The following SMARCA2 variants were observed in gnomAD, a reference collection of about 807,000 sequenced individuals.
SMARCA2 encodes SWI/SNF-related matrix-associated actin-dependent regulator of chromatin subfamily A member 2.
SMARCA2 carries 61 observed loss-of-function variants against 199.8 expected under a neutral mutation model. The ratio of observed to expected loss-of-function variants is 0.31; its 90% CI spans 0.25 to 0.38. The LOEUF (loss-of-function observed/expected upper bound fraction) is 0.38, where lower values mean the gene tolerates loss of function less well. SMARCA2 is among the 10% of genes least tolerant of loss of function. The pLI is 1.00. For synonymous variants in SMARCA2, 935 were observed against 732.0 expected, an observed-to-expected ratio of 1.28 and a Z score of -4.48; for missense variants, 1,344 against 2,012.2, an observed-to-expected ratio of 0.67 and a Z score of 6.35.
chr9:2,172,840 A>G (rs1357814887), intron 29 of SMARCA2, among the ~76,000 whole-genome samples: 1 of 152,166 alleles, frequency 6.6e-6, no homozygotes, highest in East Asian at 1.9e-4. Flanking sequence ...TGCAGTGGAA[A>G]GTAGATAGCC....
chr9:2,040,069 C>A, intron 4 of SMARCA2, 169 bp downstream of exon 4: 1 of 1,311,050 alleles, frequency 7.6e-7, no homozygotes. Flanking sequence ...CTTGGTCTTC[C>A]CCTGCTGTTG....
At chr9:2,096,529 C>A in intron 19 of SMARCA2, 128 bp from the exon 20 acceptor site, 1 of 648,070 alleles carries the variant, frequency 1.5e-6, no homozygotes, top group Non-Finnish European at 2.8e-6. Context: ...ACCCCGCACT[C>A]CGTGAATCCA....
At chr9:2,058,139 C>T (rs1820435881) in intron 7 of SMARCA2, 152 bp from the exon 8 acceptor site, 1 of 677,610 alleles carries the variant, frequency 1.5e-6, no homozygotes. Flanking sequence ...ACCTTAACTG[C>T]AGAGACACCA....
intron 27 of SMARCA2, among the ~76,000 whole-genome samples, chr9:2,131,713 G>T (rs1173816790): frequency 6.6e-6 from 1 of 152,136 alleles, no homozygotes; most frequent in African/African-American, 2.4e-5. Context: ...GGGTGCGGTG[G>T]CTCACGCCTG....
intron 27 of SMARCA2, chr9:2,159,346 G>GT (rs1825546269): frequency 4.1e-6 from 1 of 242,746 alleles, no homozygotes; most frequent in Non-Finnish European, 7.9e-6. Context: ...TAAAATATTT[G>GT]AATCTTAGAA....
chr9:2,072,818 G>C (rs1489968490), intron 10 of SMARCA2, among the ~76,000 whole-genome samples: 1 of 152,248 alleles, frequency 6.6e-6, no homozygotes, highest in Non-Finnish European at 1.5e-5. Flanking sequence ...AACTGGTCTA[G>C]TGAGGACAGG....
chr9:2,130,361 G>A lies in SMARCA2; in HGVS notation c.3981+6424G>A, dbSNP rs1015104535. 6.6e-5 allele frequency among the ~76,000 whole-genome samples: 10 copies of A among 152,126 alleles called. No homozygotes were observed. In the South Asian group the frequency reaches 2.1e-3, roughly 32 times the overall value. ...CCCGGTCCTCGGCCTTGTCGTGGCC[G>A]AGTGGTTAAGGCGATAGATGAGAAT... On this transcript the variant is annotated intron_variant, in intron 27 of 33. Coordinates refer to ENST00000349721, the MANE Select transcript of SMARCA2 (RefSeq NM_003070.5).
At position 2,182,258 on chromosome 9, in the gene SMARCA2, T is replaced by G; in HGVS notation, c.4461+16T>G. The G allele has an allele frequency of 6.5e-7, 1 of 1,531,540 alleles. No individual in the cohort carries two copies. The highest frequency in any genetic ancestry group is 9.0e-7 in the Non-Finnish European group (1 of 1,110,026). The allele number at this position is 1,531,540 out of a possible 1,614,324, so 94.9% of individuals were successfully genotyped here. ...GGGATCCCAGGTCTGTCTTGTTAAG[T>G]TGTCTAAAAGTTCTTAACTGTAAAT... On this transcript the variant is annotated intron_variant, in intron 31 of 33. Coordinates refer to ENST00000349721, the MANE Select transcript of SMARCA2 (RefSeq NM_003070.5).
intron 3 of SMARCA2, among the ~76,000 whole-genome samples, chr9:2,038,229 C>T (rs980511699): frequency 6.6e-6 from 1 of 152,152 alleles, no homozygotes; most frequent in Admixed American, 6.5e-5. Flanking sequence ...AATTGTGTGA[C>T]TTTGGGTAAC....
chr9:2,161,862 G>A lies in SMARCA2; in HGVS notation c.4158G>A (p.Gln1386=). The A allele has an allele frequency of 6.2e-7, 1 of 1,614,116 alleles. No homozygotes were observed. Among genetic ancestry groups the A allele is most frequent in the East Asian group, 2.2e-5 (1 of 44,880 alleles). ...LSPNPPKLTK[Q]MNAIIDTVIN... ...CAAATCCCCCCAAACTGACAAAGCA[G>A]ATGAACGCTATCATCGATACTGTGA... Residue 1386 remains glutamine, a synonymous_variant, in exon 28 of 34, where the codon CAG becomes CAA. Coordinates refer to ENST00000349721, the MANE Select transcript of SMARCA2 (RefSeq NM_003070.5). This position sits in a 1 kb window ranked among gnomAD's most constrained non-coding sequence, Gnocchi z 4.7.
At chr9:2,190,307 T>C (rs1424471984) in intron 32 of SMARCA2, among the ~76,000 whole-genome samples, 5 of 148,278 alleles carry the variant, frequency 3.4e-5, no homozygotes, top group Admixed American at 2.0e-4. Flanking sequence ...CCAAGATACA[T>C]TGAAATAGGT....
At chr9:2,071,536 T>C (rs72687595) in intron 10 of SMARCA2, among the ~76,000 whole-genome samples, 2,825 of 152,338 alleles carry the variant, frequency 0.019, 37 homozygotes, top group Non-Finnish European at 0.029. Flanking sequence ...TTATATCTTA[T>C]TATCTGTTGG....
At chr9:2,069,373 G>A (rs949650038) in intron 9 of SMARCA2, among the ~76,000 whole-genome samples, 2 of 151,240 alleles carry the variant, frequency 1.3e-5, no homozygotes, top group African/African-American at 4.8e-5. Context: ...TGGCTAACAC[G>A]GTGAAACCCC....
intron 13 of SMARCA2, among the ~76,000 whole-genome samples, chr9:2,076,598 G>A (rs1315265783): frequency 6.6e-6 from 1 of 150,830 alleles, no homozygotes; most frequent in African/African-American, 2.4e-5. Context: ...CCCACCTCCA[G>A]CTCAGGCTCA....
At chr9:2,105,554 C>T (rs979231724) in intron 23 of SMARCA2, among the ~76,000 whole-genome samples, 4 of 152,124 alleles carry the variant, frequency 2.6e-5, no homozygotes, top group Non-Finnish European at 5.9e-5. Flanking sequence ...ATTATTTAAA[C>T]CCCTTTACCT....
At chr9:2,073,100 C>A (rs147269762) in intron 10 of SMARCA2, 112 bp from the exon 11 acceptor site, 35 of 1,301,782 alleles carry the variant, frequency 2.7e-5, no homozygotes, top group Non-Finnish European at 2.5e-5. Context: ...AATTTCCAAA[C>A]ACAGAATAAG....
At chr9:2,091,024 A>G (rs1298997911) in intron 19 of SMARCA2, among the ~76,000 whole-genome samples, 2 of 152,328 alleles carry the variant, frequency 1.3e-5, no homozygotes, top group East Asian at 3.9e-4. Flanking sequence ...AAGGCTAAAT[A>G]CTTTCACAGC....
At chr9:2,145,633 C>G (rs1296788022) in intron 27 of SMARCA2, among the ~76,000 whole-genome samples, 1 of 152,128 alleles carries the variant, frequency 6.6e-6, no homozygotes, top group Non-Finnish European at 1.5e-5. Flanking sequence ...TGAAGATTGA[C>G]ATTAAAATAC....
At position 2,067,367 on chromosome 9, in the gene SMARCA2, C is replaced by T. The variant is rs112928211; in HGVS notation, c.1693-3051C>T. Among the ~76,000 whole-genome samples, 297 of 152,292 alleles carry T rather than the reference C, an allele frequency of 2.0e-3. 1 individual carries two copies. The highest frequency in any genetic ancestry group is 6.4e-3 in the African/African-American group (268 of 41,560). On this transcript the variant is annotated intron_variant, in intron 9 of 33. Transcript: ENST00000349721. ...ATGCCCTTGTAGGTGTGGGAATGCA[C>T]CAGTGAACAAAACAGACAGAAATCC...
Sources: allele counts gnomAD v4.1 joint callset (sites outside exome capture counted in the v4.1 genomes callset), GRCh38; gene constraint gnomAD v4.1.1; non-coding constraint Gnocchi (gnomAD v3.1); transcripts MANE v1.5; gene names NCBI Gene and HGNC (gene_info 2026-07-23, HGNC 2026-07-21).